Variants in SH3BGRL2 observed in about 807,000 individuals in gnomAD.
SH3BGRL2 encodes SH3 domain-binding glutamic acid-rich-like protein 2.
A neutral mutation model predicts 14.8 loss-of-function variants in SH3BGRL2; 21 were observed. That is an observed-to-expected ratio of 1.42 (90% CI 1.01 to 2.05). The LOEUF is 2.05. Ranked by LOEUF, SH3BGRL2 falls within the 30% of genes most tolerant of loss-of-function variation. The pLI, the probability that SH3BGRL2 is intolerant of heterozygous loss-of-function variation, is 0.00. For missense variants in SH3BGRL2, 147 were observed against 130.8 expected (o/e 1.12, Z -0.61); for synonymous variants, 50 against 47.8 (o/e 1.05, Z -0.19).
rs139259569 is a variant in SH3BGRL2 at position 79,646,148 on chromosome 6, C to G, written c.45+14642C>G. ...TCCTGGTTGCAACTACCAAAAATGT[C>G]TCCAGACATTCTCAAATGTCCCCTA... On this transcript the variant is annotated intron_variant, in intron 1 of 3. Transcript: ENST00000369838. Among the ~76,000 whole-genome samples, 1,338 of 152,332 alleles carry G rather than the reference C, an allele frequency of 8.8e-3. 20 individuals carry two copies. The highest frequency in any genetic ancestry group is 0.031 in the African/African-American group (1,277 of 41,574).
chr6:79,637,175 T>A (rs1169779953), intron 1 of SH3BGRL2, among the ~76,000 whole-genome samples: 1 of 152,274 alleles, frequency 6.6e-6, no homozygotes, highest in South Asian at 2.1e-4. Context: ...ATATCCCAAG[T>A]GAAGATCTAA....
the SH3BGRL2 span, among the ~76,000 whole-genome samples, chr6:79,593,031 G>A: frequency 6.6e-6 from 1 of 152,098 alleles, no homozygotes; most frequent in Non-Finnish European, 1.5e-5. Context: ...CCCTCTTGAT[G>A]GTATACTACC....
Position 79,700,524 on chromosome 6 carries a change from G to A in SH3BGRL2, c.*1015G>A, listed in dbSNP as rs979816131. 3 of 151,962 alleles carry A rather than the reference G, an allele frequency of 2.0e-5. No homozygotes were observed. Among genetic ancestry groups the A allele is most frequent in the African/African-American group, 7.3e-5 (3 of 41,366 alleles). The allele number at this position is 151,962 out of a possible 1,614,324, so 9.4% of individuals were successfully genotyped here. A position where few individuals can be genotyped will look rare whatever the true frequency, so the allele number is the denominator to read the frequency against. On this transcript the variant is annotated 3_prime_UTR_variant, in exon 4 of 4. Transcript: ENST00000369838. ...GTAGTAAAATTTAATTTTTCCTTTT[G>A]TTACTTTTCATTTGCCTCTAATTTT...
At chr6:79,594,819 T>TA in the SH3BGRL2 span, among the ~76,000 whole-genome samples, 1 of 152,012 alleles carries the variant, frequency 6.6e-6, no homozygotes, top group African/African-American at 2.4e-5. Context: ...CATCTTAAAA[T>TA]AAAAAAATTA....
chr6:79,538,116 T>C, the SH3BGRL2 span, among the ~76,000 whole-genome samples: 1 of 137,396 alleles, frequency 7.3e-6, no homozygotes, highest in South Asian at 2.4e-4. Context: ...ATTTTCTCTT[T>C]TAGAAATGGC....
chr6:79,555,251 A>T, the SH3BGRL2 span, among the ~76,000 whole-genome samples: 1 of 152,040 alleles, frequency 6.6e-6, no homozygotes, highest in Non-Finnish European at 1.5e-5. Flanking sequence ...CGAGTTCAAG[A>T]CCAGCCTAGC....
At chr6:79,631,581 A>T in intron 1 of SH3BGRL2, 75 bp downstream of exon 1, 1 of 1,220,198 alleles carries the variant, frequency 8.2e-7, no homozygotes, top group Non-Finnish European at 1.1e-6. Flanking sequence ...GGCGCTCGTC[A>T]CTGCGCGTCC....
chr6:79,638,935 A>G (rs1768979377), intron 1 of SH3BGRL2, among the ~76,000 whole-genome samples: 2 of 152,132 alleles, frequency 1.3e-5, no homozygotes, highest in African/African-American at 4.8e-5. Context: ...TTTGACATAT[A>G]TTTATAATAT....
the SH3BGRL2 span, among the ~76,000 whole-genome samples, chr6:79,589,751 A>C: frequency 2.0e-5 from 3 of 152,004 alleles, no homozygotes; most frequent in Non-Finnish European, 4.4e-5. Context: ...ACATTGGAAA[A>C]ATATATATTT....
At chr6:79,605,708 A>G in the SH3BGRL2 span, among the ~76,000 whole-genome samples, 2 of 152,234 alleles carry the variant, frequency 1.3e-5, no homozygotes, top group Non-Finnish European at 2.9e-5. Context: ...TATTCAACAC[A>G]TGAAAGTCAA....
At chr6:79,586,740 C>A in the SH3BGRL2 span, among the ~76,000 whole-genome samples, 1 of 152,278 alleles carries the variant, frequency 6.6e-6, no homozygotes, top group Non-Finnish European at 1.5e-5. Flanking sequence ...GCCTGGAAGC[C>A]TCAAAAGGAA....
the SH3BGRL2 span, among the ~76,000 whole-genome samples, chr6:79,578,905 A>G: frequency 6.6e-6 from 1 of 152,250 alleles, no homozygotes. Context: ...AAACCTTGAA[A>G]AAAGATTAGA....
At chr6:79,558,701 T>TA in the SH3BGRL2 span, among the ~76,000 whole-genome samples, 15,169 of 144,188 alleles carry the variant, frequency 0.11, 1,515 homozygotes, top group East Asian at 0.55. Flanking sequence ...CCCATCTCTA[T>TA]AAAAAAAAAA....
chr6:79,604,085 G>A, the SH3BGRL2 span, among the ~76,000 whole-genome samples: 1 of 152,146 alleles, frequency 6.6e-6, no homozygotes, highest in African/African-American at 2.4e-5. Context: ...GATTACAGGC[G>A]TGAGCCACCA....
At chr6:79,679,236 A>G (rs952075852) in intron 2 of SH3BGRL2, among the ~76,000 whole-genome samples, 14 of 152,158 alleles carry the variant, frequency 9.2e-5, no homozygotes, top group African/African-American at 3.4e-4. Context: ...CCAACAGTGT[A>G]TAGGCCTTTC....
the SH3BGRL2 span, among the ~76,000 whole-genome samples, chr6:79,609,281 T>C: frequency 3.3e-5 from 5 of 152,244 alleles, no homozygotes; most frequent in East Asian, 9.7e-4. Context: ...AAAATGTATG[T>C]AAAGGGAAGG....
intron 1 of SH3BGRL2, among the ~76,000 whole-genome samples, chr6:79,664,992 G>T (rs1429732099): frequency 6.6e-6 from 1 of 152,200 alleles, no homozygotes; most frequent in Non-Finnish European, 1.5e-5. Flanking sequence ...ATGAGGTCAG[G>T]AGTTTGAGAC....
chr6:79,615,419 A>T, the SH3BGRL2 span, among the ~76,000 whole-genome samples: 55 of 152,302 alleles, frequency 3.6e-4, no homozygotes, highest in Admixed American at 2.4e-3. Context: ...GGGTAACTCC[A>T]TAGCCTGATG....
the SH3BGRL2 span, among the ~76,000 whole-genome samples, chr6:79,552,421 G>A: frequency 6.6e-6 from 1 of 152,156 alleles, no homozygotes; most frequent in African/African-American, 2.4e-5. Flanking sequence ...CATGGCCTTT[G>A]GTCCTGTTTA....
Sources: gnomAD v4.1 joint callset for allele counts (sites outside exome capture counted in the v4.1 genomes callset) on GRCh38, gnomAD v4.1.1 for gene constraint, MANE v1.5 for transcripts, NCBI Gene and HGNC (gene_info 2026-07-23, HGNC 2026-07-21) for gene names.